Variants in CPS1 observed in about 807,000 individuals in gnomAD.
CPS1 encodes the protein carbamoyl-phosphate synthase [ammonia], mitochondrial.
In CPS1, 109 loss-of-function variants were observed where a neutral mutation model predicts 174.6. The observed-to-expected ratio is 0.62, with a 90% CI of 0.53 to 0.73. The LOEUF (loss-of-function observed/expected upper bound fraction) is 0.73, where lower values mean the gene tolerates loss of function less well. CPS1 is among the 30% of genes least tolerant of loss of function. The probability of loss-of-function intolerance (pLI) is 0.00; values close to 1 mark genes in which losing one functional copy is unlikely to be tolerated. For missense variants in CPS1, 1,689 were observed against 1,821.9 expected (o/e 0.93, Z 1.33); for synonymous variants, 637 against 632.0 (o/e 1.01, Z -0.12).
chr2:210,556,560 G>A (rs1696919158), upstream of CPS1: 1 of 1,482,626 alleles, frequency 6.7e-7, no homozygotes, highest in Non-Finnish European at 8.9e-7. Context: ...AGGAGGAGCT[G>A]TGGCTGAAGA....
chr2:210,488,892 A>C (rs140338570), intron 1 of CPS1, among the ~76,000 whole-genome samples: 60 of 152,288 alleles, frequency 3.9e-4, no homozygotes, highest in African/African-American at 1.4e-3. Context: ...AAAAATCCTA[A>C]GTAAGTTTAC....
chr2:210,661,903 CTTTTTTTTTT>C (rs397987631), intron 32 of CPS1, among the ~76,000 whole-genome samples: 1 of 106,674 alleles, frequency 9.4e-6, no homozygotes, highest in South Asian at 3.2e-4. Flanking sequence ...GATAGATATG[CTTTTTTTTTT>C]TTTTTTTTTT....
chr2:210,554,836 TAC>T (rs3060397), upstream of CPS1, among the ~76,000 whole-genome samples: 76,634 of 147,666 alleles, frequency 0.52, 20,229 homozygotes, highest in East Asian at 0.6. Flanking sequence ...CAACCCTCAC[TAC>T]ACACACACAC....
intron 21 of CPS1, among the ~76,000 whole-genome samples, chr2:210,637,137 C>T (rs748052126): frequency 5.9e-5 from 9 of 152,038 alleles, no homozygotes; most frequent in South Asian, 4.1e-4. Context: ...TACTTGCACC[C>T]ATGACAGTGG....
chr2:210,528,127 T>C (rs1185930734), intron 1 of CPS1, among the ~76,000 whole-genome samples: 1 of 151,894 alleles, frequency 6.6e-6, no homozygotes, highest in Non-Finnish European at 1.5e-5. Flanking sequence ...AGACTTGAAG[T>C]AGTACTCAAT....
chr2:210,604,661 C>T (rs1026242747), intron 16 of CPS1, among the ~76,000 whole-genome samples: 1 of 151,912 alleles, frequency 6.6e-6, no homozygotes, highest in African/African-American at 2.4e-5. Flanking sequence ...CATCAACTAA[C>T]TTTTATTGTG....
At chr2:210,585,667 A>G (rs979048068) in intron 6 of CPS1, among the ~76,000 whole-genome samples, 2 of 151,582 alleles carry the variant, frequency 1.3e-5, no homozygotes, top group African/African-American at 4.9e-5. Flanking sequence ...TAGAAATAAT[A>G]GTTATGCAAC....
intron 19 of CPS1, 133 bp from the exon 20 acceptor site, chr2:210,611,984 T>A (rs62203718): frequency 1.2e-6 from 1 of 806,562 alleles, no homozygotes; most frequent in Non-Finnish European, 1.9e-6. Context: ...TTTTTTTTTT[T>A]AATTTGAGAG....
At chr2:210,573,883 T>C (rs1463085732) in intron 2 of CPS1, among the ~76,000 whole-genome samples, 1 of 152,030 alleles carries the variant, frequency 6.6e-6, no homozygotes, top group Admixed American at 6.6e-5. Context: ...TGCACTCTAG[T>C]AAGAAAGTTG....
intron 29 of CPS1, among the ~76,000 whole-genome samples, chr2:210,655,799 AATTT>A (rs1279804117): frequency 2.0e-5 from 3 of 152,148 alleles, no homozygotes; most frequent in Non-Finnish European, 4.4e-5. Flanking sequence ...TCTCTTATGT[AATTT>A]ATTTAAGTCT....
chr2:210,549,978 A>C (rs1428884303), intron 1 of CPS1, among the ~76,000 whole-genome samples: 1 of 152,078 alleles, frequency 6.6e-6, no homozygotes, highest in Non-Finnish European at 1.5e-5. Context: ...TTCAAGCAAT[A>C]AGATGCAAGA....
At chr2:210,478,585 G>GAT (rs1382645551) in intron 1 of CPS1, among the ~76,000 whole-genome samples, 1 of 151,998 alleles carries the variant, frequency 6.6e-6, no homozygotes, top group African/African-American at 2.4e-5. Context: ...CATTTTCTAG[G>GAT]ATATCCTTTA....
intron 26 of CPS1, 112 bp from the exon 27 acceptor site, chr2:210,648,361 G>C (rs1325173758): frequency 1.2e-6 from 1 of 861,812 alleles, no homozygotes; most frequent in Non-Finnish European, 1.9e-6. Flanking sequence ...ATTTAATGGT[G>C]CCTTTAGAGA....
chr2:210,616,413 C>T lies in CPS1; in HGVS notation c.2569-10C>T. 6.4e-7 allele frequency: 1 copy of T among 1,574,096 alleles called. No individual in the cohort carries two copies. On this transcript the variant is annotated splice_polypyrimidine_tract_variant and intron_variant, in intron 20 of 37. Transcript: ENST00000233072. Reference sequence around the variant, plus strand: ...TTTGCCAAAGAAAGTATCTCTTCTCCTCTTGGCAGGCCATTGATGACAACA... The same window carrying T: ...TTTGCCAAAGAAAGTATCTCTTCTCTTCTTGGCAGGCCATTGATGACAACA...
intron 37 of CPS1, 137 bp downstream of exon 37, chr2:210,677,273 A>G (rs1701566384): frequency 2.2e-6 from 2 of 902,652 alleles, no homozygotes; most frequent in Non-Finnish European, 3.5e-6. Flanking sequence ...TTAATAATCT[A>G]AAATAATGAT....
chr2:210,642,731 A>G (rs1700268763), intron 25 of CPS1, 66 bp downstream of exon 25: 1 of 1,407,790 alleles, frequency 7.1e-7, no homozygotes, highest in Non-Finnish European at 9.9e-7. Context: ...CACTTTATAT[A>G]TATGCATTCT....
At position 210,669,355 on chromosome 2, in the gene CPS1, A is replaced by G. The variant is rs558640846; in HGVS notation, c.4101+1071A>G. The stretch of plus-strand genomic sequence containing the variant: ...CATTCATTTTTATTTGAGATTAGTA[A>G]TTCTTGGGTCCTATGAAAAACAACA... On this transcript the variant is annotated intron_variant, in intron 34 of 37. Coordinates refer to ENST00000233072, the MANE Select transcript of CPS1 (RefSeq NM_001875.5). Among the ~76,000 whole-genome samples the G allele has an allele frequency of 7.2e-5, 11 of 152,258 alleles. No homozygotes were observed. In the East Asian group the frequency reaches 2.1e-3, roughly 29 times the overall value.
chr2:210,671,260 C>G (rs1701291510), intron 34 of CPS1, among the ~76,000 whole-genome samples: 1 of 152,118 alleles, frequency 6.6e-6, no homozygotes, highest in Non-Finnish European at 1.5e-5. Flanking sequence ...CGCTCAGAAA[C>G]ACAAAGCAAG....
chr2:210,505,685 C>T (rs1348994257), intron 1 of CPS1, among the ~76,000 whole-genome samples: 1 of 152,212 alleles, frequency 6.6e-6, no homozygotes, highest in Non-Finnish European at 1.5e-5. Context: ...GGGTCACTCC[C>T]ACCCTAACAC....
Sources: gnomAD v4.1 joint callset for allele counts (sites outside exome capture counted in the v4.1 genomes callset) on GRCh38, gnomAD v4.1.1 for gene constraint, MANE v1.5 for transcripts, NCBI Gene and HGNC (gene_info 2026-07-23, HGNC 2026-07-21) for gene names.